The following ZNF385D variants were observed in gnomAD, a reference collection of about 807,000 sequenced individuals.
ZNF385D encodes the protein zinc finger protein 659.
A neutral mutation model predicts 35.8 loss-of-function variants in ZNF385D; 15 were observed. The ratio of observed to expected loss-of-function variants is 0.42; its 90% CI spans 0.28 to 0.64. ZNF385D has a LOEUF of 0.64. Ranked by LOEUF, ZNF385D falls within the 30% of genes least tolerant of loss-of-function variation. The probability of loss-of-function intolerance (pLI) is 0.23; values close to 1 mark genes in which losing one functional copy is unlikely to be tolerated. For synonymous variants in ZNF385D, 212 were observed against 186.8 expected (o/e 1.13, Z -1.10); for missense variants, 474 against 494.6 (o/e 0.96, Z 0.39).
chr3:22,134,646 A>G (rs146379805), intron 3 of ZNF385D, among the ~76,000 whole-genome samples: 1 of 152,320 alleles, frequency 6.6e-6, no homozygotes, highest in East Asian at 1.9e-4. Flanking sequence ...ATTTTGTGCT[A>G]CTACAACAGA....
intron 1 of ZNF385D, among the ~76,000 whole-genome samples, chr3:21,745,141 A>T (rs563255084): frequency 3.3e-5 from 5 of 152,240 alleles, no homozygotes; most frequent in Non-Finnish European, 2.9e-5. Flanking sequence ...CATAGCACCC[A>T]TCTTCCTGTG....
intron 3 of ZNF385D, among the ~76,000 whole-genome samples, chr3:22,164,247 T>TTTTTTTTTTTTTG (rs1348547943): frequency 1.3e-4 from 12 of 93,486 alleles, no homozygotes; most frequent in African/African-American, 6.6e-4. Flanking sequence ...TTTTTTTTTT[T>TTTTTTTTTTTTTG]GAGACGGGGT....
intron 5 of ZNF385D, among the ~76,000 whole-genome samples, chr3:21,432,790 TAAA>T (rs5847095): frequency 6.7e-6 from 1 of 148,662 alleles, no homozygotes. Context: ...CTTTCCAAAT[TAAA>T]AAAAAAAAAA....
intron 3 of ZNF385D, among the ~76,000 whole-genome samples, chr3:21,763,489 G>A (rs1465961904): frequency 1.3e-5 from 2 of 152,178 alleles, no homozygotes; most frequent in African/African-American, 4.8e-5. Context: ...AACTTCCATA[G>A]TATTGGTGTT....
chr3:21,988,480 C>T (rs529770592), intron 3 of ZNF385D, among the ~76,000 whole-genome samples: 19 of 140,074 alleles, frequency 1.4e-4, no homozygotes, highest in African/African-American at 3.5e-4. Flanking sequence ...TTAGGCTGCT[C>T]GGGGGTCAGG....
At chr3:22,174,075 C>T (rs1694653266) in intron 2 of ZNF385D, among the ~76,000 whole-genome samples, 1 of 151,688 alleles carries the variant, frequency 6.6e-6, no homozygotes, top group Non-Finnish European at 1.5e-5. Flanking sequence ...CCAACCATCA[C>T]ATAATTAACA....
intron 3 of ZNF385D, among the ~76,000 whole-genome samples, chr3:21,960,326 C>CA (rs140886454): frequency 2.6e-3 from 396 of 150,132 alleles, no homozygotes; most frequent in African/African-American, 4.5e-3. Flanking sequence ...AACAAATATC[C>CA]AAAAAAAAAT....
At chr3:21,981,938 T>A (rs769245044) in intron 3 of ZNF385D, among the ~76,000 whole-genome samples, 1 of 152,104 alleles carries the variant, frequency 6.6e-6, no homozygotes, top group Non-Finnish European at 1.5e-5. Context: ...GTTTTTGTAC[T>A]AGTACCATGC....
rs1553708140 is a variant in ZNF385D, at chr3:21,964,434, A to AAG, written c.325+204382_325+204383insCT. Among the ~76,000 whole-genome samples, 131 of 46,032 alleles carry AAG rather than the reference A, an allele frequency of 2.8e-3. 5 individuals carry two copies. The highest frequency in any genetic ancestry group is 3.8e-3 in the Non-Finnish European group (113 of 29,684). The allele number at this position is 46,032 out of a possible 152,430, so 30.2% of individuals were successfully genotyped here. Reference sequence around the variant, plus strand: ...TTGTAAAAAAAAAAAAAAAAAAAAGAAAAAAAAAAAAAGAAAAAGATGTCC... The same window carrying AAG: ...TTGTAAAAAAAAAAAAAAAAAAAAGAAGAAAAAAAAAAAAGAAAAAGATGTCC... On this transcript the variant is annotated intron_variant, in intron 3 of 5. Transcript: ENST00000494108.
intron 4 of ZNF385D, among the ~76,000 whole-genome samples, chr3:21,480,747 CAAT>C (rs368502468): frequency 1.3e-5 from 2 of 152,058 alleles, no homozygotes; most frequent in African/African-American, 4.8e-5. Flanking sequence ...GCTCATCTTC[CAAT>C]AATCTATTTT....
chr3:21,662,437 G>A (rs764070934), intron 2 of ZNF385D, among the ~76,000 whole-genome samples: 3 of 152,120 alleles, frequency 2.0e-5, no homozygotes, highest in African/African-American at 7.2e-5. Flanking sequence ...GATGAAATGG[G>A]CTCTCTTGAA....
At chr3:21,762,585 G>A (rs1473589130) in intron 3 of ZNF385D, among the ~76,000 whole-genome samples, 1 of 152,054 alleles carries the variant, frequency 6.6e-6, no homozygotes, top group Non-Finnish European at 1.5e-5. Flanking sequence ...AAATTAATAT[G>A]TCTCATCTAT....
At chr3:22,035,412 T>C (rs1698252379) in intron 3 of ZNF385D, among the ~76,000 whole-genome samples, 1 of 152,198 alleles carries the variant, frequency 6.6e-6, no homozygotes, top group Admixed American at 6.6e-5. Flanking sequence ...TAATTCCCTT[T>C]TCATTAAAAA....
chr3:21,746,900 A>G (rs2069796909), intron 1 of ZNF385D, among the ~76,000 whole-genome samples: 2 of 152,332 alleles, frequency 1.3e-5, no homozygotes, highest in Non-Finnish European at 2.9e-5. Flanking sequence ...TGGTCCAGCT[A>G]CAACCAAAAG....
At chr3:21,796,873 C>T (rs542782189) in intron 3 of ZNF385D, among the ~76,000 whole-genome samples, 1 of 152,270 alleles carries the variant, frequency 6.6e-6, no homozygotes, top group African/African-American at 2.4e-5. Flanking sequence ...AACTTGTTGA[C>T]AGGTACACAG....
chr3:21,746,944 C>A (rs1412223129), intron 1 of ZNF385D, among the ~76,000 whole-genome samples: 1 of 151,922 alleles, frequency 6.6e-6, no homozygotes, highest in Admixed American at 6.6e-5. Context: ...TCTAAACATC[C>A]CAGGGGAAAA....
intron 3 of ZNF385D, among the ~76,000 whole-genome samples, chr3:21,853,036 G>A (rs1478013959): frequency 1.9e-5 from 2 of 104,864 alleles, no homozygotes; most frequent in Non-Finnish European, 3.9e-5. Flanking sequence ...TGTAGTAAAA[G>A]CCAATTAAAG....
rs567808973 is a variant in ZNF385D at position 21,810,522 on chromosome 3, T to TA, written c.326-145495dup. 9.9e-5 allele frequency among the ~76,000 whole-genome samples: 15 copies of TA among 152,122 alleles called. 1 individual carries two copies. Among genetic ancestry groups the TA allele is most frequent in the East Asian group, 7.7e-4 (4 of 5,178 alleles). On this transcript the variant is annotated intron_variant, in intron 3 of 5. Transcript: ENST00000494108. ...ATGTACCCTAGAACTTAAAGTATAATAAAAAAACTATATATGTGTGTGTAT... is the reference window on the plus strand; with the variant it reads ...ATGTACCCTAGAACTTAAAGTATAATAAAAAAAACTATATATGTGTGTGTAT...
chr3:22,116,631 A>T (rs181277157), intron 3 of ZNF385D, among the ~76,000 whole-genome samples: 4 of 152,224 alleles, frequency 2.6e-5, no homozygotes, highest in Non-Finnish European at 5.9e-5. Flanking sequence ...TAAGCTTTCT[A>T]ACAACTAATG....
Sources: allele counts gnomAD v4.1 joint callset (sites outside exome capture counted in the v4.1 genomes callset), GRCh38; gene constraint gnomAD v4.1.1; transcripts MANE v1.5; gene names NCBI Gene and HGNC (gene_info 2026-07-23, HGNC 2026-07-21).